Variants in CSMD1 observed in about 807,000 individuals in gnomAD.
The protein encoded by CSMD1 is CUB and sushi domain-containing protein 1.
In CSMD1, 213 loss-of-function variants were observed where a neutral mutation model predicts 417.5. The ratio of observed to expected loss-of-function variants is 0.51; its 90% CI spans 0.46 to 0.57. The LOEUF is 0.57. CSMD1 is among the 20% of genes least tolerant of loss of function. The probability of loss-of-function intolerance (pLI) is 0.00; values close to 1 mark genes in which losing one functional copy is unlikely to be tolerated. For missense variants in CSMD1, 6,923 were observed against 4,529.7 expected (o/e 1.53, Z -15.17); for synonymous variants, 2,862 against 1,736.8 (o/e 1.65, Z -16.11).
intron 47 of CSMD1, among the ~76,000 whole-genome samples, chr8:3,094,842 A>G (rs1056744085): frequency 1.3e-5 from 2 of 151,856 alleles, no homozygotes; most frequent in Non-Finnish European, 2.9e-5. Flanking sequence ...AGAGACAGAA[A>G]GATATGAACA....
chr8:4,127,025 C>A (rs565277002), intron 3 of CSMD1, among the ~76,000 whole-genome samples: 3 of 152,262 alleles, frequency 2.0e-5, no homozygotes, highest in South Asian at 4.2e-4. Flanking sequence ...AATATATATA[C>A]CCTGGCCTCC....
At chr8:3,961,889 A>G (rs1279087024) in intron 5 of CSMD1, among the ~76,000 whole-genome samples, 1 of 152,208 alleles carries the variant, frequency 6.6e-6, no homozygotes, top group African/African-American at 2.4e-5. Flanking sequence ...ATCCTGCCTT[A>G]CGACTTCTTG....
chr8:3,096,791 A>AT, intron 47 of CSMD1, 58 bp downstream of exon 47: 1 of 1,069,554 alleles, frequency 9.3e-7, no homozygotes, highest in East Asian at 2.6e-5. Flanking sequence ...AAACATTGTA[A>AT]TAGTGTTTTT....
chr8:3,901,830 G>T (rs1009011465), intron 5 of CSMD1, among the ~76,000 whole-genome samples: 2 of 152,150 alleles, frequency 1.3e-5, no homozygotes, highest in Admixed American at 1.3e-4. Flanking sequence ...TTCTTTGTTT[G>T]CATCCTGATA....
chr8:3,964,272 G>C (rs1007256792), intron 5 of CSMD1, among the ~76,000 whole-genome samples: 2 of 152,132 alleles, frequency 1.3e-5, no homozygotes. Flanking sequence ...GGGGCTTAGA[G>C]CTCACAGGCT....
chr8:3,290,360 G>A lies in CSMD1; in HGVS notation c.3951-6014C>T, dbSNP rs574253843. Among the ~76,000 whole-genome samples, 32 of 146,814 alleles carry A rather than the reference G, an allele frequency of 2.2e-4. 1 individual carries two copies. The East Asian group carries it at 5.9e-3, about 27-fold the overall frequency. ...TTAAAGTAGTTTTTTCTAATTCTGTGAAGAAAGTCATTGGTAACTTGAAGG... is the reference window on the plus strand; with the variant it reads ...TTAAAGTAGTTTTTTCTAATTCTGTAAAGAAAGTCATTGGTAACTTGAAGG... On this transcript the variant is annotated intron_variant, in intron 25 of 69. Coordinates refer to ENST00000635120, the MANE Select transcript of CSMD1 (RefSeq NM_033225.6).
intron 3 of CSMD1, among the ~76,000 whole-genome samples, chr8:4,046,388 T>C (rs1294988838): frequency 1.3e-5 from 2 of 152,192 alleles, no homozygotes; most frequent in Non-Finnish European, 2.9e-5. Context: ...CATTAGTATA[T>C]TACAAATCCA....
At chr8:4,027,412 G>A (rs1033614595) in intron 4 of CSMD1, among the ~76,000 whole-genome samples, 1 of 152,122 alleles carries the variant, frequency 6.6e-6, no homozygotes, top group Non-Finnish European at 1.5e-5. Context: ...GAGGCACATT[G>A]TGGGAGGTGA....
chr8:4,210,487 T>C (rs1233465547), intron 3 of CSMD1, among the ~76,000 whole-genome samples: 1 of 152,164 alleles, frequency 6.6e-6, no homozygotes. Context: ...AGACAATAAT[T>C]CAGGAAAATT....
intron 3 of CSMD1, among the ~76,000 whole-genome samples, chr8:4,398,427 C>G (rs1050922412): frequency 8.2e-6 from 1 of 121,986 alleles, no homozygotes; most frequent in African/African-American, 3.0e-5. Flanking sequence ...GAGTCTCACT[C>G]TGTCACCCCA....
chr8:4,626,844 G>A (rs2014085355), intron 2 of CSMD1, among the ~76,000 whole-genome samples: 1 of 152,122 alleles, frequency 6.6e-6, no homozygotes, highest in Non-Finnish European at 1.5e-5. Context: ...TAAGACATAA[G>A]CAAGAACGAT....
chr8:4,680,690 C>T (rs893253678), intron 1 of CSMD1, among the ~76,000 whole-genome samples: 9 of 152,068 alleles, frequency 5.9e-5, no homozygotes, highest in East Asian at 1.9e-4. Context: ...AGTGACTCTC[C>T]CGCCTCAGCC....
Position 4,428,271 on chromosome 8 carries a change from A to T in CSMD1, c.303-8206T>A, listed in dbSNP as rs928640897. ...GAGACTATCAACTTGATACAAGGAAAATCAGGACAGCTTGTACCAAGACAA... is the reference window on the plus strand; with the variant it reads ...GAGACTATCAACTTGATACAAGGAATATCAGGACAGCTTGTACCAAGACAA... On this transcript the variant is annotated intron_variant, in intron 2 of 69. Coordinates refer to ENST00000635120, the MANE Select transcript of CSMD1 (RefSeq NM_033225.6). Among the ~76,000 whole-genome samples, 3 of 152,210 alleles carry T rather than the reference A, an allele frequency of 2.0e-5. No homozygotes were observed. In the South Asian group the frequency reaches 6.2e-4, roughly 31 times the overall value.
chr8:4,018,966 T>C lies in CSMD1; in HGVS notation c.610+12939A>G, dbSNP rs1796654717. 3.9e-5 allele frequency among the ~76,000 whole-genome samples: 6 copies of C among 152,346 alleles called. No individual in the cohort carries two copies. The South Asian group carries it at 1.2e-3, about 32-fold the overall frequency. On this transcript the variant is annotated intron_variant, in intron 4 of 69. Coordinates refer to ENST00000635120, the MANE Select transcript of CSMD1 (RefSeq NM_033225.6). ...CATGTAAACATTGTCTGACATTTTG[T>C]GATTGCTTTGTGTTTAACTCTGATT...
At chr8:3,061,791 T>C (rs529703444) in intron 49 of CSMD1, among the ~76,000 whole-genome samples, 1 of 152,344 alleles carries the variant, frequency 6.6e-6, no homozygotes, top group African/African-American at 2.4e-5. Context: ...GTTTTTCTAA[T>C]TGCATTACTT....
At chr8:4,250,299 G>C (rs1322979031) in intron 3 of CSMD1, among the ~76,000 whole-genome samples, 1 of 152,156 alleles carries the variant, frequency 6.6e-6, no homozygotes, top group African/African-American at 2.4e-5. Flanking sequence ...CTCAGCTTAG[G>C]AGTCCTGGTG....
intron 3 of CSMD1, among the ~76,000 whole-genome samples, chr8:4,350,091 T>G (rs144310066): frequency 7.0e-4 from 106 of 152,336 alleles, no homozygotes; most frequent in Middle Eastern, 3.4e-3. Context: ...ACATGACTTA[T>G]GAGCCACCAC....
chr8:3,083,610 T>TTTATATATATATA (rs1563320333), intron 49 of CSMD1, among the ~76,000 whole-genome samples: 2 of 30,928 alleles, frequency 6.5e-5, no homozygotes, highest in African/African-American at 1.4e-4. Flanking sequence ...ACCATAATTT[T>TTTATATATATATA]TATATATATA....
chr8:3,950,304 G>A (rs2740866), intron 5 of CSMD1, among the ~76,000 whole-genome samples: 49,618 of 152,006 alleles, frequency 0.33, 8,383 homozygotes, highest in Admixed American at 0.41. Context: ...CTATTCTCCA[G>A]TTTGATAGTT....
Sources: allele counts gnomAD v4.1 joint callset (sites outside exome capture counted in the v4.1 genomes callset), GRCh38; gene constraint gnomAD v4.1.1; transcripts MANE v1.5; gene names NCBI Gene and HGNC (gene_info 2026-07-23, HGNC 2026-07-21).